WDFY3: variants seen among roughly 807,000 people sequenced by gnomAD.
The protein encoded by WDFY3 is WD repeat and FYVE domain-containing protein 3.
Under a neutral mutation model 409.6 loss-of-function variants are expected in WDFY3, and 66 were observed. That is an observed-to-expected ratio of 0.16 (90% CI 0.13 to 0.20). The LOEUF is 0.20. Among genes scored for constraint, WDFY3 ranks in the 10% least tolerant of loss-of-function variants. The pLI, the probability that WDFY3 is intolerant of heterozygous loss-of-function variation, is 1.00. For synonymous variants in WDFY3, 1,521 were observed against 1,537.1 expected (o/e 0.99, Z 0.25); for missense variants, 3,031 against 4,298.1 (o/e 0.71, Z 8.24).
At chr4:84,768,240 T>A (rs527412740) in intron 30 of WDFY3, among the ~76,000 whole-genome samples, 26 of 152,312 alleles carry the variant, frequency 1.7e-4, no homozygotes, top group South Asian at 1.4e-3. Context: ...GAAGATTTAG[T>A]AAGATAATTA....
chr4:84,782,899 GA>G, intron 25 of WDFY3, 63 bp downstream of exon 25: 1 of 1,502,148 alleles, frequency 6.7e-7, no homozygotes, highest in Non-Finnish European at 9.2e-7. Context: ...CTTAAGTGAG[GA>G]AAGTGAATGC....
At chr4:84,744,635 C>A (rs1360120263) in intron 36 of WDFY3, among the ~76,000 whole-genome samples, 1 of 151,506 alleles carries the variant, frequency 6.6e-6, no homozygotes, top group Non-Finnish European at 1.5e-5. Context: ...GGGCGGATCA[C>A]GAGGTCAGGA....
chr4:84,835,685 G>C (rs1174799794), intron 7 of WDFY3, among the ~76,000 whole-genome samples: 1 of 152,112 alleles, frequency 6.6e-6, no homozygotes, highest in East Asian at 1.9e-4. Context: ...CTACCAAACA[G>C]AGTCATCCTT....
intron 62 of WDFY3, chr4:84,687,881 G>A: frequency 2.1e-6 from 1 of 474,446 alleles, no homozygotes; most frequent in Non-Finnish European, 3.7e-6. Flanking sequence ...CTTTCAGGAG[G>A]TCACCAAATC....
At chr4:84,961,368 A>C (rs1300264500) in intron 1 of WDFY3, among the ~76,000 whole-genome samples, 4 of 152,206 alleles carry the variant, frequency 2.6e-5, no homozygotes, top group African/African-American at 7.2e-5. Flanking sequence ...ACAGGGAGCC[A>C]CAAAGAATCT....
intron 51 of WDFY3, among the ~76,000 whole-genome samples, chr4:84,710,910 T>C (rs535990638): frequency 3.3e-5 from 5 of 152,308 alleles, no homozygotes; most frequent in East Asian, 3.9e-4. Flanking sequence ...GAGCAGAACA[T>C]GTTTCTGGGG....
At chr4:84,759,812 T>C (rs1352275609) in intron 32 of WDFY3, among the ~76,000 whole-genome samples, 1 of 151,750 alleles carries the variant, frequency 6.6e-6, no homozygotes, top group African/African-American at 2.4e-5. Context: ...TCCTGCCTAA[T>C]TGCCCTGGCC....
rs1725652082 is a variant in WDFY3 at position 84,672,947 on chromosome 4, G to A, written c.10502C>T (p.Ser3501Phe). The change falls in exon 68 of 68, where the codon TCC (serine) becomes TTC (phenylalanine). Residue 3501 changes from serine to phenylalanine, a missense_variant. Around this residue, in one of 16 missense-constraint regions of WDFY3, gnomAD observed 378 missense variants for 477.3 expected, o/e 0.79. Transcript: ENST00000295888. ...QSEIKRLKIS[S>F]PVRVCQNCYY... Reference sequence around the variant, plus strand: ...ACAGTTCTGACAAACACGCACCGGGGATGAGATTTTCAAGCGTTTGATTTC... The same window carrying A: ...ACAGTTCTGACAAACACGCACCGGGAATGAGATTTTCAAGCGTTTGATTTC... The A allele has an allele frequency of 1.2e-6, 2 of 1,604,218 alleles. No homozygotes were observed. The highest frequency in any genetic ancestry group is 1.7e-6 in the Non-Finnish European group (2 of 1,174,764).
intron 3 of WDFY3, among the ~76,000 whole-genome samples, chr4:84,877,849 C>T (rs1035310130): frequency 1.3e-5 from 2 of 152,018 alleles, no homozygotes; most frequent in South Asian, 2.1e-4. Flanking sequence ...AATGAGTAAA[C>T]GGTGCTGAAT....
At chr4:84,796,871 G>A in intron 18 of WDFY3, 119 bp from the exon 19 acceptor site, 1 of 756,256 alleles carries the variant, frequency 1.3e-6, no homozygotes, top group Non-Finnish European at 2.1e-6. Flanking sequence ...TTTTTTAAGT[G>A]CCAAGATCAT....
intron 2 of WDFY3, among the ~76,000 whole-genome samples, chr4:84,914,952 A>C (rs963166227): frequency 6.6e-6 from 1 of 152,222 alleles, no homozygotes; most frequent in Admixed American, 6.5e-5. Context: ...ATGAAAAAAT[A>C]AATAGAATGT....
intron 64 of WDFY3, among the ~76,000 whole-genome samples, chr4:84,681,885 A>T (rs1421744893): frequency 6.6e-6 from 1 of 152,246 alleles, no homozygotes; most frequent in Non-Finnish European, 1.5e-5. Flanking sequence ...ATAGGTAACC[A>T]GGCTTCAGTG....
chr4:84,833,336 T>G (rs1255742114), intron 7 of WDFY3, among the ~76,000 whole-genome samples: 1 of 152,166 alleles, frequency 6.6e-6, no homozygotes, highest in Non-Finnish European at 1.5e-5. Flanking sequence ...ATCATTTTAT[T>G]CTCTTGAAAA....
intron 58 of WDFY3, among the ~76,000 whole-genome samples, chr4:84,694,583 A>C (rs1729793151): frequency 6.6e-6 from 1 of 152,184 alleles, no homozygotes; most frequent in Non-Finnish European, 1.5e-5. Context: ...AACTAAATAA[A>C]GGTATAGCTA....
chr4:84,926,053 G>T (rs1579155649), intron 2 of WDFY3, among the ~76,000 whole-genome samples: 1 of 149,502 alleles, frequency 6.7e-6, no homozygotes, highest in African/African-American at 2.4e-5. Context: ...GTCTCTCTCT[G>T]TCGCCCAGGC....
At chr4:84,767,367 T>A (rs1743846293) in intron 30 of WDFY3, among the ~76,000 whole-genome samples, 1 of 152,122 alleles carries the variant, frequency 6.6e-6, no homozygotes, top group Admixed American at 6.5e-5. Flanking sequence ...CCCTATTCCC[T>A]GAGTCACAAT....
At chr4:84,835,732 A>G (rs757479329) in intron 7 of WDFY3, among the ~76,000 whole-genome samples, 1 of 152,154 alleles carries the variant, frequency 6.6e-6, no homozygotes, top group Non-Finnish European at 1.5e-5. Context: ...TGAGCCTGCA[A>G]CCATTACTCT....
At chr4:84,917,409 A>G (rs1409790377) in intron 2 of WDFY3, among the ~76,000 whole-genome samples, 1 of 152,210 alleles carries the variant, frequency 6.6e-6, no homozygotes, top group Non-Finnish European at 1.5e-5. Flanking sequence ...GAAGTTTTAA[A>G]AGAAATGATA....
chr4:84,906,534 A>G (rs1477043585), intron 2 of WDFY3, among the ~76,000 whole-genome samples: 2 of 152,172 alleles, frequency 1.3e-5, no homozygotes, highest in Admixed American at 1.3e-4. Flanking sequence ...AACCACAGTC[A>G]TCCCTTGGTA....
Sources: gnomAD v4.1 joint callset for allele counts (sites outside exome capture counted in the v4.1 genomes callset) on GRCh38, gnomAD v4.1.1 for gene constraint, gnomAD v4.1.1 regional missense constraint, MANE v1.5 for transcripts, NCBI Gene and HGNC (gene_info 2026-07-23, HGNC 2026-07-21) for gene names.